The following ZNF644 variants were observed in gnomAD, a reference collection of about 807,000 sequenced individuals.
The protein encoded by ZNF644 is zinc finger motif enhancer binding protein 2.
In ZNF644, 20 loss-of-function variants were observed where a neutral mutation model predicts 108.0. The observed-to-expected ratio is 0.19, with a 90% CI of 0.13 to 0.27. The LOEUF (loss-of-function observed/expected upper bound fraction) is 0.27, where lower values mean the gene tolerates loss of function less well. Ranked by LOEUF, ZNF644 falls within the 10% of genes least tolerant of loss-of-function variation. The pLI, the probability that ZNF644 is intolerant of heterozygous loss-of-function variation, is 1.00. For missense variants in ZNF644, 1,338 were observed against 1,548.9 expected (o/e 0.86, Z 2.29); for synonymous variants, 542 against 539.1 (o/e 1.01, Z -0.08).
chr1:90,999,256 T>G (rs1258181246), intron 1 of ZNF644, among the ~76,000 whole-genome samples: 2 of 151,888 alleles, frequency 1.3e-5, no homozygotes, highest in East Asian at 1.9e-4. Context: ...TTCACCAAAG[T>G]TGAAATGAAG....
intron 1 of ZNF644, among the ~76,000 whole-genome samples, chr1:91,016,068 G>A (rs1178082342): frequency 6.6e-6 from 1 of 151,980 alleles, no homozygotes. Context: ...ATCATATCCT[G>A]CCTCTTTATA....
chr1:90,920,051 G>A (rs1170619292), intron 4 of ZNF644, among the ~76,000 whole-genome samples: 2 of 152,002 alleles, frequency 1.3e-5, no homozygotes, highest in Non-Finnish European at 2.9e-5. Flanking sequence ...AATCGCTTTG[G>A]TGAGCAATCT....
At chr1:91,018,988 C>T (rs1410516218) in intron 1 of ZNF644, among the ~76,000 whole-genome samples, 1 of 152,160 alleles carries the variant, frequency 6.6e-6, no homozygotes, top group Non-Finnish European at 1.5e-5. Flanking sequence ...AGTAAATCCA[C>T]TCACATAATG....
intron 1 of ZNF644, among the ~76,000 whole-genome samples, chr1:90,984,608 G>T (rs991007816): frequency 6.6e-6 from 1 of 152,128 alleles, no homozygotes; most frequent in Non-Finnish European, 1.5e-5. Flanking sequence ...GGCTAGGCTG[G>T]TCTCGAACTC....
chr1:90,968,128 G>A (rs888090625), intron 2 of ZNF644, among the ~76,000 whole-genome samples: 6 of 150,428 alleles, frequency 4.0e-5, no homozygotes, highest in Non-Finnish European at 7.4e-5. Flanking sequence ...ATTTAAAAGT[G>A]CATGAAAGGT....
intron 1 of ZNF644, among the ~76,000 whole-genome samples, chr1:91,000,452 G>T (rs532227954): frequency 2.6e-5 from 4 of 152,080 alleles, no homozygotes; most frequent in Non-Finnish European, 4.4e-5. Context: ...GGTACATAAC[G>T]AAATGAAGGC....
intron 4 of ZNF644, among the ~76,000 whole-genome samples, chr1:90,936,125 G>A (rs1340057430): frequency 6.6e-6 from 1 of 152,088 alleles, no homozygotes; most frequent in East Asian, 1.9e-4. Context: ...ATGATTTAAA[G>A]TTTTTTGCTA....
chr1:90,930,350 A>G (rs1650595794), intron 4 of ZNF644, among the ~76,000 whole-genome samples: 1 of 152,168 alleles, frequency 6.6e-6, no homozygotes, highest in Non-Finnish European at 1.5e-5. Context: ...ATATAAAAAT[A>G]TTTTTCTTGC....
At chr1:90,973,331 C>T (rs1375911549) in intron 2 of ZNF644, 2 of 151,980 alleles carry the variant, frequency 1.3e-5, no homozygotes, top group Admixed American at 6.6e-5. Flanking sequence ...TGTTATTTCA[C>T]TGAATTATTT....
chr1:90,969,810 A>G (rs747701397), intron 2 of ZNF644, among the ~76,000 whole-genome samples: 6 of 152,006 alleles, frequency 3.9e-5, no homozygotes, highest in Non-Finnish European at 7.3e-5. Flanking sequence ...CAGCCCATAT[A>G]GGTTCTGTAC....
In ZNF644 at chr1:90,940,671, C is replaced by T. The variant is rs1325403016; in HGVS notation, c.683G>A (p.Gly228Asp). ...LINQVEVGED[G>D]EDLLVKDDCV... ...ATCATCTTTCACCAATAAATCTTCA[C>T]CATCCTCACCCACCTCTACTTGATT... Residue 228 changes from glycine to aspartate, a missense_variant, in exon 3 of 6, where the codon GGT becomes GAT. This residue lies in a region of ZNF644 where 464 missense variants were observed against 457.9 expected (regional missense o/e 1.01). Transcript: ENST00000337393. 21 of 1,613,920 alleles carry T rather than the reference C, an allele frequency of 1.3e-5. No homozygotes were observed. Among genetic ancestry groups the T allele is most frequent in the Non-Finnish European group, 1.8e-5 (21 of 1,179,974 alleles).
intron 2 of ZNF644, among the ~76,000 whole-genome samples, chr1:90,981,031 C>T (rs1400798329): frequency 6.6e-6 from 1 of 152,034 alleles, no homozygotes; most frequent in Admixed American, 6.5e-5. Flanking sequence ...ATAAGTTAAA[C>T]CAGTGTCATC....
chr1:90,991,614 G>A (rs1657644646), intron 1 of ZNF644, among the ~76,000 whole-genome samples: 2 of 152,176 alleles, frequency 1.3e-5, no homozygotes, highest in Non-Finnish European at 1.5e-5. Flanking sequence ...TGCAATCATG[G>A]CAGAAGACAA....
intron 2 of ZNF644, among the ~76,000 whole-genome samples, chr1:90,971,940 C>T (rs1655529137): frequency 6.6e-6 from 1 of 152,126 alleles, no homozygotes; most frequent in African/African-American, 2.4e-5. Flanking sequence ...ATTCCGTTTG[C>T]ATTTTAAGCA....
intron 1 of ZNF644, among the ~76,000 whole-genome samples, chr1:90,986,591 A>G (rs1363724987): frequency 6.6e-6 from 1 of 152,020 alleles, no homozygotes; most frequent in East Asian, 1.9e-4. Context: ...GGAACAGTAT[A>G]CTATCCTGCT....
At chr1:91,002,524 T>A (rs1557653113) in intron 1 of ZNF644, among the ~76,000 whole-genome samples, 1 of 152,132 alleles carries the variant, frequency 6.6e-6, no homozygotes, top group Non-Finnish European at 1.5e-5. Flanking sequence ...ATATGAAAAT[T>A]AATTCAAGAT....
Position 90,915,775 on chromosome 1 carries a change from T to C in ZNF644, c.*1023A>G, listed in dbSNP as rs1053846316. 3.9e-5 allele frequency: 6 copies of C among 152,640 alleles called. No homozygotes were observed. Among genetic ancestry groups the C allele is most frequent in the African/African-American group, 4.8e-5 (2 of 41,474 alleles). The allele number at this position is 152,640 out of a possible 1,614,324, so 9.5% of individuals were successfully genotyped here. ...AATTTAAATTGTAAACATTCTCATA[T>C]GTAGAAATATTTTAATTGGTGTATT... is the stretch of plus-strand genomic sequence containing the variant. On this transcript the variant is annotated 3_prime_UTR_variant, in exon 6 of 6. Coordinates refer to ENST00000337393, the MANE Select transcript of ZNF644 (RefSeq NM_201269.3).
intron 1 of ZNF644, among the ~76,000 whole-genome samples, chr1:91,004,962 A>C (rs966654632): frequency 9.2e-5 from 14 of 152,150 alleles, no homozygotes; most frequent in Admixed American, 7.2e-4. Context: ...AACAAAGAGC[A>C]AAATAGCAGA....
chr1:91,005,295 T>C (rs1659308672), intron 1 of ZNF644, among the ~76,000 whole-genome samples: 1 of 152,100 alleles, frequency 6.6e-6, no homozygotes, highest in Admixed American at 6.5e-5. Context: ...CTTATAAACA[T>C]GTGTACACCT....
Sources: gnomAD v4.1 joint callset for allele counts (sites outside exome capture counted in the v4.1 genomes callset) on GRCh38, gnomAD v4.1.1 for gene constraint, gnomAD v4.1.1 regional missense constraint, MANE v1.5 for transcripts, NCBI Gene and HGNC (gene_info 2026-07-23, HGNC 2026-07-21) for gene names.